The following LGR4 variants were observed in gnomAD, a reference collection of about 807,000 sequenced individuals.
The protein encoded by LGR4 is leucine-rich repeat-containing G protein-coupled receptor 4.
Under a neutral mutation model 84.8 loss-of-function variants are expected in LGR4, and 44 were observed. The observed-to-expected ratio is 0.52, with a 90% CI of 0.41 to 0.67. The LOEUF (loss-of-function observed/expected upper bound fraction) is 0.67. Among genes scored for constraint, LGR4 ranks in the 30% least tolerant of loss-of-function variants. The pLI, the probability that LGR4 is intolerant of heterozygous loss-of-function variation, is 0.00. For missense variants in LGR4, 1,032 were observed against 1,131.4 expected (o/e 0.91, Z 1.26); for synonymous variants, 429 against 434.3 (o/e 0.99, Z 0.15).
chr11:27,409,080 A>G (rs1046124379), intron 2 of LGR4, among the ~76,000 whole-genome samples: 2 of 152,158 alleles, frequency 1.3e-5, no homozygotes, highest in African/African-American at 4.8e-5. Flanking sequence ...GATTGGAAAA[A>G]GAAGGAGGAA....
intron 1 of LGR4, among the ~76,000 whole-genome samples, chr11:27,462,858 T>G (rs2133456353): frequency 6.6e-6 from 1 of 151,824 alleles, no homozygotes; most frequent in Non-Finnish European, 1.5e-5. Context: ...TCATTTCCTG[T>G]GCCAGACTCT....
At chr11:27,434,036 T>C (rs2133424164) in intron 1 of LGR4, among the ~76,000 whole-genome samples, 1 of 152,332 alleles carries the variant, frequency 6.6e-6, no homozygotes, top group African/African-American at 2.4e-5. Context: ...ACCTCAGGGC[T>C]GGGAAGATTG....
intron 2 of LGR4, among the ~76,000 whole-genome samples, chr11:27,400,237 T>C (rs1441024391): frequency 2.0e-5 from 3 of 152,154 alleles, no homozygotes; most frequent in Non-Finnish European, 2.9e-5. Flanking sequence ...AAAACACTTA[T>C]GGTCCCAAGT....
chr11:27,369,235 T>C, intron 17 of LGR4, 92 bp from the exon 18 acceptor site: 2 of 991,922 alleles, frequency 2.0e-6, no homozygotes, highest in African/African-American at 3.3e-5. Context: ...ACTAATGATA[T>C]AGACTAATTA....
intron 2 of LGR4, among the ~76,000 whole-genome samples, chr11:27,404,235 A>G: frequency 6.6e-6 from 1 of 152,216 alleles, no homozygotes; most frequent in African/African-American, 2.4e-5. Context: ...CATGCCAAAC[A>G]CTATAATACT....
intron 6 of LGR4, 152 bp from the exon 7 acceptor site, chr11:27,382,408 GT>G (rs1206844029): frequency 1.7e-6 from 1 of 578,620 alleles, no homozygotes; most frequent in African/African-American, 1.9e-5. Flanking sequence ...CCATGTAGGA[GT>G]TTAACTGAAT....
intron 1 of LGR4, among the ~76,000 whole-genome samples, chr11:27,467,260 C>T (rs1864793338): frequency 6.6e-6 from 1 of 151,786 alleles, no homozygotes; most frequent in South Asian, 2.1e-4. Context: ...AGAGAGGACC[C>T]AAGGAATGTA....
At chr11:27,461,360 A>C (rs1039310786) in intron 1 of LGR4, among the ~76,000 whole-genome samples, 3 of 151,988 alleles carry the variant, frequency 2.0e-5, no homozygotes, top group Non-Finnish European at 4.4e-5. Context: ...AAAAAAAATA[A>C]CACATAGGTA....
intron 1 of LGR4, among the ~76,000 whole-genome samples, chr11:27,428,435 G>A (rs1565090230): frequency 6.6e-6 from 1 of 152,172 alleles, no homozygotes; most frequent in South Asian, 2.1e-4. Flanking sequence ...CACCACGCCC[G>A]GCCTATCTTG....
intron 1 of LGR4, among the ~76,000 whole-genome samples, chr11:27,436,729 T>C (rs1333902968): frequency 1.3e-5 from 2 of 152,180 alleles, no homozygotes; most frequent in African/African-American, 2.4e-5. Context: ...GCAATAAAAA[T>C]AGCTATTGGA....
At chr11:27,462,724 C>T (rs1292304961) in intron 1 of LGR4, among the ~76,000 whole-genome samples, 2 of 152,074 alleles carry the variant, frequency 1.3e-5, no homozygotes, top group African/African-American at 2.4e-5. Context: ...CATGCTGAAG[C>T]GTTTCCTTGG....
intron 4 of LGR4, among the ~76,000 whole-genome samples, chr11:27,388,653 A>G (rs1490075762): frequency 6.6e-6 from 1 of 152,166 alleles, no homozygotes; most frequent in Non-Finnish European, 1.5e-5. Context: ...TAAACAAACT[A>G]CAGTAACAAA....
Position 27,376,311 on chromosome 11 carries a change from G to A in LGR4, c.1169C>T (p.Ser390Phe). ...TAGACAAACTTACAGAATCCTTAGA[G>A]ATATCAGGCCTTGAAAGGTGCCTTC... ...IKEGTFQGLISLRILDLSRNL... is the reference protein window; with the variant it reads ...IKEGTFQGLIFLRILDLSRNL... The change falls in exon 13 of 18, where the codon TCT becomes TTT. Residue 390 changes from serine to phenylalanine, a missense_variant. Ser to Phe is a radical substitution (Grantham distance 155). Transcript: ENST00000379214. 2 of 1,574,996 alleles carry A rather than the reference G, an allele frequency of 1.3e-6. No homozygotes were observed. Among genetic ancestry groups the A allele is most frequent in the Middle Eastern group, 1.7e-4 (1 of 5,944 alleles).
At chr11:27,459,174 GATGTCT>G (rs1864629801) in intron 1 of LGR4, among the ~76,000 whole-genome samples, 1 of 152,108 alleles carries the variant, frequency 6.6e-6, no homozygotes, top group African/African-American at 2.4e-5. Flanking sequence ...TTCTAGAAGA[GATGTCT>G]ATATAAATTT....
At chr11:27,369,761 T>C (rs1049130175) in intron 17 of LGR4, among the ~76,000 whole-genome samples, 3 of 152,228 alleles carry the variant, frequency 2.0e-5, no homozygotes, top group Admixed American at 2.0e-4. Flanking sequence ...TGTATGTATC[T>C]ACACATATTT....
chr11:27,374,407 A>T (rs1862938564), intron 13 of LGR4, among the ~76,000 whole-genome samples: 1 of 152,200 alleles, frequency 6.6e-6, no homozygotes, highest in African/African-American at 2.4e-5. Flanking sequence ...CTGAAAATAA[A>T]AACAGACTTC....
chr11:27,375,696 T>C (rs572702974), intron 13 of LGR4, among the ~76,000 whole-genome samples: 7 of 152,302 alleles, frequency 4.6e-5, no homozygotes, highest in African/African-American at 7.2e-5. Flanking sequence ...TTAAACTTAA[T>C]TGATAAACCA....
intron 2 of LGR4, among the ~76,000 whole-genome samples, chr11:27,395,745 A>C (rs1356482633): frequency 6.6e-6 from 1 of 152,168 alleles, no homozygotes; most frequent in African/African-American, 2.4e-5. Flanking sequence ...GAATGTATCT[A>C]CGTAAGTTTA....
At chr11:27,405,176 A>G (rs1863580516) in intron 2 of LGR4, among the ~76,000 whole-genome samples, 1 of 152,188 alleles carries the variant, frequency 6.6e-6, no homozygotes, top group Non-Finnish European at 1.5e-5. Flanking sequence ...AAAAATACTT[A>G]AAGAAGTCAA....
Sources: allele counts gnomAD v4.1 joint callset (sites outside exome capture counted in the v4.1 genomes callset), GRCh38; gene constraint gnomAD v4.1.1; transcripts MANE v1.5; gene names NCBI Gene and HGNC (gene_info 2026-07-23, HGNC 2026-07-21).